ATP13A5: variants seen among roughly 807,000 people sequenced by gnomAD.
ATP13A5 encodes ATPase 13A5, also known as probable cation-transporting ATPase 13A5.
A neutral mutation model predicts 150.2 loss-of-function variants in ATP13A5; 149 were observed. That is an observed-to-expected ratio of 0.99 (90% CI 0.87 to 1.14). The LOEUF (loss-of-function observed/expected upper bound fraction) is 1.14, where lower values mean the gene tolerates loss of function less well. Ranked by LOEUF, ATP13A5 falls within the 50% of genes most tolerant of loss-of-function variation. The pLI is 0.00. For synonymous variants in ATP13A5, 497 were observed against 522.2 expected (o/e 0.95, Z 0.66); for missense variants, 1,383 against 1,449.3 (o/e 0.95, Z 0.74).
chr3:193,304,395 C>G (rs913419627), intron 23 of ATP13A5, among the ~76,000 whole-genome samples: 14 of 152,118 alleles, frequency 9.2e-5, no homozygotes, highest in Admixed American at 5.9e-4. Context: ...ATGCAGCCAA[C>G]CAGGGGTGTG....
intron 26 of ATP13A5, among the ~76,000 whole-genome samples, chr3:193,287,054 G>A (rs957662820): frequency 6.6e-6 from 1 of 152,094 alleles, no homozygotes; most frequent in African/African-American, 2.4e-5. Flanking sequence ...CCAGAGCAAG[G>A]CCCTAACTCC....
At chr3:193,323,691 A>G (rs1199847120) in intron 14 of ATP13A5, 2 of 152,218 alleles carry the variant, frequency 1.3e-5, no homozygotes, top group Non-Finnish European at 1.5e-5. Context: ...AGAATTGGTC[A>G]CTATGTCAAA....
intron 17 of ATP13A5, among the ~76,000 whole-genome samples, chr3:193,317,823 G>A (rs77855400): frequency 0.015 from 2,240 of 152,236 alleles, 47 homozygotes; most frequent in Admixed American, 0.052. Context: ...TCCCACTAGT[G>A]GCTCTTACAT....
Position 193,274,902 on chromosome 3 carries a change from A to G in ATP13A5, c.*140T>C. The G allele has an allele frequency of 8.0e-7, 1 of 1,249,808 alleles. No individual in the cohort carries two copies. Among genetic ancestry groups the G allele is most frequent in the South Asian group, 1.5e-5 (1 of 68,646 alleles). 77.4% of individuals were successfully genotyped at this position (1,249,808 alleles called of 1,614,324 possible). ...AGCCTATCTAAGGTCCCTTGCTGCA[A>G]GGTTTAATTCATTGAAAATATACTT... is the stretch of plus-strand genomic sequence containing the variant. On this transcript the variant is annotated 3_prime_UTR_variant, in exon 30 of 30. Transcript: ENST00000342358.
In ATP13A5 at chr3:193,324,988, G is replaced by C. The variant is rs1407652315; in HGVS notation, c.1550C>G (p.Ser517Ter). The C allele has an allele frequency of 6.2e-7, 1 of 1,612,506 alleles. No individual in the cohort carries two copies. The highest frequency in any genetic ancestry group is 8.5e-7 in the Non-Finnish European group (1 of 1,179,446). Residue 517 changes from serine to a stop codon, truncating the protein, a stop_gained, in exon 14 of 30, where the codon TCA becomes TGA. Transcript: ENST00000342358. LOFTEE classifies it high-confidence loss of function. ...NCFQEAHSFASGQAVPWSPLC... is the reference protein window; with the variant it reads ...NCFQEAHSFA ...TGGGCTCCATGGCACAGCCTGGCCT[G>C]AGGCAAAGCTGTGGGCTTCCTGGAA...
In ATP13A5 at chr3:193,275,128, C is replaced by T; in HGVS notation, c.3571G>A (p.Gly1191Ser). The T allele has an allele frequency of 6.2e-7, 1 of 1,614,200 alleles. No individual in the cohort carries two copies. The highest frequency in any genetic ancestry group is 8.5e-7 in the Non-Finnish European group (1 of 1,180,034). ...DGKNGFYING[G>S]YESHEQIPKR... ...GGAATCTGTTCATGGCTTTCATAGC[C>T]TCCGTTGATGTAGAATCCATTTTTG... is the stretch of plus-strand genomic sequence containing the variant. The change falls in exon 30 of 30, where the codon GGC becomes AGC. Residue 1191 changes from glycine to serine, a missense_variant. By Grantham distance (56) the Gly-to-Ser change is moderately conservative. Transcript: ENST00000342358.
intron 13 of ATP13A5, 81 bp from the exon 14 acceptor site, chr3:193,325,095 C>T: frequency 7.1e-7 from 1 of 1,401,226 alleles, no homozygotes. Flanking sequence ...AAGTGGAGCT[C>T]CAAACACCTA....
At chr3:193,313,985 T>C (rs1459310799) in intron 19 of ATP13A5, 48 bp downstream of exon 19, 1 of 1,591,648 alleles carries the variant, frequency 6.3e-7, no homozygotes, top group East Asian at 2.2e-5. Flanking sequence ...GCCAGGACTG[T>C]ATTCCATCAG....
At chr3:193,373,187 G>T (rs1330272504) in intron 1 of ATP13A5, among the ~76,000 whole-genome samples, 1 of 152,052 alleles carries the variant, frequency 6.6e-6, no homozygotes. Flanking sequence ...TGCCCAGGCT[G>T]GACTGCAATG....
chr3:193,356,382 T>C (rs1343072628), intron 5 of ATP13A5, among the ~76,000 whole-genome samples: 1 of 152,152 alleles, frequency 6.6e-6, no homozygotes, highest in African/African-American at 2.4e-5. Context: ...ATGAACGAAT[T>C]GATGGCTGAA....
In ATP13A5 at chr3:193,335,108, G is replaced by T; in HGVS notation, c.944-9C>A. The T allele has an allele frequency of 6.2e-7, 1 of 1,612,940 alleles. No homozygotes were observed. The highest frequency in any genetic ancestry group is 1.3e-5 in the African/African-American group (1 of 74,998). ...AACAGGTATACTTTCTCCTAAAGAG[G>T]ATTGTATTTTGTTGAATCTATGTAA... On this transcript the variant is annotated splice_polypyrimidine_tract_variant and intron_variant, in intron 9 of 29. Coordinates refer to ENST00000342358, the MANE Select transcript of ATP13A5 (RefSeq NM_198505.4).
intron 25 of ATP13A5, 122 bp from the exon 26 acceptor site, chr3:193,290,181 A>T: frequency 1.0e-6 from 1 of 953,840 alleles, no homozygotes; most frequent in Non-Finnish European, 1.5e-6. Context: ...CACGAACAGA[A>T]GATTTACACC....
At chr3:193,284,793 A>G in intron 27 of ATP13A5, 121 bp downstream of exon 27, 1 of 877,388 alleles carries the variant, frequency 1.1e-6, no homozygotes, top group Non-Finnish European at 1.7e-6. Context: ...TTCAACAACA[A>G]TTTTAGAGTC....
chr3:193,319,270 A>G (rs761037192), intron 16 of ATP13A5, among the ~76,000 whole-genome samples, 162 bp from the exon 17 acceptor site: 14 of 152,340 alleles, frequency 9.2e-5, no homozygotes, highest in Non-Finnish European at 1.6e-4. Flanking sequence ...CAACTTCATC[A>G]GTGTGTTCTT....
chr3:193,351,031 A>C (rs763848773), intron 7 of ATP13A5, 36 bp downstream of exon 7: 17 of 1,608,404 alleles, frequency 1.1e-5, no homozygotes, highest in Middle Eastern at 1.6e-4. Flanking sequence ...TTTAGCTAGA[A>C]GCTAAATAGA....
intron 1 of ATP13A5, among the ~76,000 whole-genome samples, chr3:193,366,506 C>A (rs1352629): frequency 0.95 from 143,912 of 152,070 alleles, 68,113 homozygotes; most frequent in Middle Eastern, 0.98. Context: ...ACTATGAGAG[C>A]AAAGGAAGGA....
At chr3:193,285,959 A>T (rs77795123) in intron 26 of ATP13A5, among the ~76,000 whole-genome samples, 2 of 152,282 alleles carry the variant, frequency 1.3e-5, no homozygotes, top group South Asian at 4.2e-4. Context: ...CATCTTTGGG[A>T]TGAGAGTTCC....
chr3:193,288,633 C>T (rs1479368558), intron 26 of ATP13A5, among the ~76,000 whole-genome samples: 2 of 152,114 alleles, frequency 1.3e-5, no homozygotes, highest in African/African-American at 4.8e-5. Flanking sequence ...CCCAAAACTT[C>T]ATGTGACTTG....
intron 11 of ATP13A5, 103 bp from the exon 12 acceptor site, chr3:193,331,414 A>G (rs2108872492): frequency 9.1e-7 from 1 of 1,093,544 alleles, no homozygotes; most frequent in East Asian, 2.6e-5. Context: ...CTGCAGAGCA[A>G]AGGAGACCTT....
Sources: gnomAD v4.1 joint callset for allele counts (sites outside exome capture counted in the v4.1 genomes callset) on GRCh38, gnomAD v4.1.1 for gene constraint, MANE v1.5 for transcripts, NCBI Gene and HGNC (gene_info 2026-07-23, HGNC 2026-07-21) for gene names.